Variants in BCL9 observed in about 807,000 individuals in gnomAD.
BCL9 encodes the protein BCL9 transcription coactivator.
Under a neutral mutation model 88.5 loss-of-function variants are expected in BCL9, and 25 were observed. The observed-to-expected ratio is 0.28, with a 90% confidence interval of 0.21 to 0.39. The LOEUF is 0.39. Among genes scored for constraint, BCL9 ranks in the 10% least tolerant of loss-of-function variants. The pLI, the probability that BCL9 is intolerant of heterozygous loss-of-function variation, is 1.00. For synonymous variants in BCL9, 711 were observed against 673.3 expected, an observed-to-expected ratio of 1.06 and a Z score of -0.87; for missense variants, 1,817 against 1,877.8, an observed-to-expected ratio of 0.97 and a Z score of 0.60.
intron 8 of BCL9, among the ~76,000 whole-genome samples, chr1:147,621,297 A>C (rs587653838): frequency 6.6e-6 from 1 of 152,208 alleles, no homozygotes; most frequent in Non-Finnish European, 1.5e-5. Flanking sequence ...GAAATGGGGA[A>C]TATGTGTTGG....
At chr1:147,615,585 T>C (rs1658235773) in intron 6 of BCL9, among the ~76,000 whole-genome samples, 1 of 152,228 alleles carries the variant, frequency 6.6e-6, no homozygotes, top group African/African-American at 2.4e-5. Flanking sequence ...TCTTTTGGGA[T>C]TTGCTAATGG....
chr1:147,620,090 A>G lies in BCL9; in HGVS notation c.1935A>G (p.Pro645=). The G allele has an allele frequency of 6.2e-7, 1 of 1,614,192 alleles. No homozygotes were observed. The highest frequency in any genetic ancestry group is 8.5e-7 in the Non-Finnish European group (1 of 1,180,036). The change falls in exon 8 of 10, where the codon CCA becomes CCG. Residue 645 remains proline, a synonymous_variant. Transcript: ENST00000234739. The stretch of plus-strand genomic sequence containing the variant: ...CAGAGAAACAGCTGGGTCTCCCCCC[A>G]GGGATGGCCATGGAAGGCATCAGGC... ...QLAEKQLGLP[P]GMAMEGIRPS... is the part of the protein sequence containing the mutation.
At position 147,569,422 on chromosome 1, in the gene BCL9, A is replaced by T. The variant is rs185272805; in HGVS notation, c.-478+27748A>T. Among the ~76,000 whole-genome samples the T allele has an allele frequency of 2.9e-3, 431 of 146,978 alleles. 1 individual carries two copies. Among genetic ancestry groups the T allele is most frequent in the African/African-American group, 0.01 (406 of 39,820 alleles). On this transcript the variant is annotated intron_variant, in intron 1 of 9. Transcript: ENST00000234739. ...GGAGGGTGGATCACCTGAGCTCAGG[A>T]GTTCAAGACCAGCCTGGGCAACATG... is the stretch of plus-strand genomic sequence containing the variant.
chr1:147,560,675 G>C (rs1192788772), intron 1 of BCL9, among the ~76,000 whole-genome samples: 2 of 151,758 alleles, frequency 1.3e-5, no homozygotes, highest in Admixed American at 1.3e-4. Flanking sequence ...GGGAGGCTAA[G>C]GGGGGTTGTG....
chr1:147,550,185 C>T (rs1457537881), intron 1 of BCL9, among the ~76,000 whole-genome samples: 1 of 152,116 alleles, frequency 6.6e-6, no homozygotes, highest in African/African-American at 2.4e-5. Context: ...GCCAGAAGGT[C>T]ACCTCTAGTC....
At chr1:147,608,619 TG>T (rs1157663366) in intron 3 of BCL9, among the ~76,000 whole-genome samples, 1 of 152,246 alleles carries the variant, frequency 6.6e-6, no homozygotes, top group African/African-American at 2.4e-5. Flanking sequence ...TATTAAGTAC[TG>T]GGCAAGTCCA....
rs1658556388 is a variant in BCL9 at position 147,620,396 on chromosome 1, G to A, written c.2241G>A (p.Met747Ile). 5 of 1,613,786 alleles carry A rather than the reference G, an allele frequency of 3.1e-6. No individual in the cohort carries two copies. The South Asian group carries it at 5.5e-5, about 18-fold the overall frequency. Residue 747 changes from methionine to isoleucine, a missense_variant, in exon 8 of 10, where the codon ATG becomes ATA. Transcript: ENST00000234739. ...AGGCTGGGGCGGGCCCTGAGGAGAT[G>A]CTGAAATTACGCCCAGGTGGCTCAG... is the stretch of plus-strand genomic sequence containing the variant. ...MREAGAGPEE[M>I]LKLRPGGSDM...
chr1:147,625,005 G>C lies in BCL9; in HGVS notation c.*46G>C, dbSNP rs1658867460. On this transcript the variant is annotated 3_prime_UTR_variant, in exon 10 of 10. Coordinates refer to ENST00000234739, the MANE Select transcript of BCL9 (RefSeq NM_004326.4). ...CGATCCTTGTCAAGATGAGATTCCA[G>C]GTCCTGAGAGCTGCTTTGAGGGAGT... 6.4e-7 allele frequency: 1 copy of C among 1,570,260 alleles called. No homozygotes were observed. Among genetic ancestry groups the C allele is most frequent in the Non-Finnish European group, 8.7e-7 (1 of 1,152,334 alleles).
intron 2 of BCL9, among the ~76,000 whole-genome samples, chr1:147,606,521 T>G (rs1286007093): frequency 6.6e-6 from 1 of 152,156 alleles, no homozygotes; most frequent in African/African-American, 2.4e-5. Flanking sequence ...TGATTTGCAG[T>G]TTATATTTCT....
intron 1 of BCL9, among the ~76,000 whole-genome samples, chr1:147,542,514 C>G (rs1654380018): frequency 6.6e-6 from 1 of 152,168 alleles, no homozygotes; most frequent in Admixed American, 6.5e-5. Context: ...TGTGGAATCA[C>G]AGAGTAGAAG....
At chr1:147,564,690 A>G (rs1655526824) in intron 1 of BCL9, among the ~76,000 whole-genome samples, 2 of 152,318 alleles carry the variant, frequency 1.3e-5, no homozygotes, top group East Asian at 1.9e-4. Flanking sequence ...CCTGCATTAC[A>G]AAACGAGGGT....
At chr1:147,550,949 C>T (rs587705129) in intron 1 of BCL9, among the ~76,000 whole-genome samples, 1 of 152,300 alleles carries the variant, frequency 6.6e-6, no homozygotes, top group African/African-American at 2.4e-5. Context: ...TCAGCTGTAG[C>T]AATTATTCTA....
In BCL9 at chr1:147,618,874, C is replaced by G. The variant is rs1054647; in HGVS notation, c.719C>G (p.Ala240Gly). Residue 240 changes from alanine (A) to glycine (G), a missense_variant, in exon 8 of 10, where the codon GCT (alanine) becomes GGT (glycine). Transcript: ENST00000234739. The stretch of plus-strand genomic sequence containing the variant: ...AAACCTCTCCCACAACAGCCCCCAG[C>G]TCCGGCCAACCAGGACCAGAATTCT... ...DPKPLPQQPP[A>G]PANQDQNSSQ... The G allele has an allele frequency of 1.9e-6, 3 of 1,606,832 alleles. No individual in the cohort carries two copies. The African/African-American group carries it at 4.0e-5, about 21-fold the overall frequency.
At position 147,624,555 on chromosome 1, in the gene BCL9, G is replaced by C. The variant is rs782455076; in HGVS notation, c.3877G>C (p.Gly1293Arg). The C allele has an allele frequency of 1.2e-6, 2 of 1,614,204 alleles. No homozygotes were observed. The change falls in exon 10 of 10, where the codon GGT (glycine) becomes CGT (arginine). Residue 1293 changes from glycine (G) to arginine (R), a missense_variant. Transcript: ENST00000234739. The surrounding 1 kb of genome is among the most constrained non-coding windows in gnomAD (Gnocchi z 4.4). ...GGGACTAGCATTACCTGGCATGGGAGGTCCAGGGCCAGTGGGAACTCCGGA... is the reference window on the plus strand; with the variant it reads ...GGGACTAGCATTACCTGGCATGGGACGTCCAGGGCCAGTGGGAACTCCGGA... ...RMGLALPGMG[G>R]PGPVGTPDIP...
intron 1 of BCL9, among the ~76,000 whole-genome samples, chr1:147,543,031 T>C (rs782223709): frequency 6.6e-6 from 1 of 152,234 alleles, no homozygotes; most frequent in Non-Finnish European, 1.5e-5. Flanking sequence ...TACTCGCCGG[T>C]GGTTTTGTGG....
At chr1:147,574,372 C>T (rs1444074094) in intron 1 of BCL9, among the ~76,000 whole-genome samples, 2 of 152,052 alleles carry the variant, frequency 1.3e-5, no homozygotes, top group Non-Finnish European at 2.9e-5. Context: ...TTTGTTTCAC[C>T]GTATAGGAGA....
chr1:147,544,353 A>G (rs1420008282), intron 1 of BCL9, among the ~76,000 whole-genome samples: 1 of 152,156 alleles, frequency 6.6e-6, no homozygotes, highest in African/African-American at 2.4e-5. Flanking sequence ...CACTGGTGCC[A>G]TTCCTATTCA....
At chr1:147,599,886 GACGAGCGACTTTCCCTGAAGGGGC>G (rs1456604068) in intron 1 of BCL9, among the ~76,000 whole-genome samples, 17 of 151,148 alleles carry the variant, frequency 1.1e-4, no homozygotes, top group Admixed American at 2.0e-4. Flanking sequence ...TGGGGAGGGG[GACGAGCGACTTTCCCTGAAGGGGC>G]ACGAGCGACT....
Position 147,622,462 on chromosome 1 carries a change from G to A in BCL9, c.3094G>A (p.Val1032Met). ...GTTATACCATGATGCTATCAAGACTGTGGCCAGCTCAGATGACGACTCCCC... is the reference window on the plus strand; with the variant it reads ...GTTATACCATGATGCTATCAAGACTATGGCCAGCTCAGATGACGACTCCCC... ...TPLYHDAIKT[V>M]ASSDDDSPPA... The change falls in exon 9 of 10, where the codon GTG becomes ATG. Residue 1032 changes from valine to methionine, a missense_variant. Coordinates refer to ENST00000234739, the MANE Select transcript of BCL9 (RefSeq NM_004326.4). The A allele has an allele frequency of 6.2e-7, 1 of 1,614,152 alleles. No homozygotes were observed. Among genetic ancestry groups the A allele is most frequent in the Admixed American group, 1.7e-5 (1 of 60,022 alleles).
Sources: allele counts gnomAD v4.1 joint callset (sites outside exome capture counted in the v4.1 genomes callset), GRCh38; gene constraint gnomAD v4.1.1; non-coding constraint Gnocchi (gnomAD v3.1); transcripts MANE v1.5; gene names NCBI Gene and HGNC (gene_info 2026-07-23, HGNC 2026-07-21).